The following WFDC3 variants were observed in gnomAD, a reference collection of about 807,000 sequenced individuals.
WFDC3 encodes the protein WAP four-disulfide core domain 3, also known as WAP four-disulfide core domain protein 3.
Under a neutral mutation model 25.8 loss-of-function variants are expected in WFDC3, and 15 were observed. The ratio of observed to expected loss-of-function variants is 0.58; its 90% confidence interval spans 0.39 to 0.89. The LOEUF is 0.89. Ranked by LOEUF, WFDC3 falls within the 40% of genes least tolerant of loss-of-function variation. The pLI, the probability that WFDC3 is intolerant of heterozygous loss-of-function variation, is 0.00. For missense variants in WFDC3, 264 were observed against 289.8 expected, an observed-to-expected ratio of 0.91 and a Z score of 0.65; for synonymous variants, 103 against 107.1, an observed-to-expected ratio of 0.96 and a Z score of 0.24.
At chr20:45,775,268 G>A (rs1438623711) in intron 6 of WFDC3, 149 bp downstream of exon 6, 2 of 1,134,840 alleles carry the variant, frequency 1.8e-6, no homozygotes, top group East Asian at 2.4e-5. Flanking sequence ...AGCCTGTACT[G>A]TTTGTATGAG....
chr20:45,775,994 C>G (rs892348215), intron 5 of WFDC3, among the ~76,000 whole-genome samples: 5 of 152,158 alleles, frequency 3.3e-5, no homozygotes, highest in Admixed American at 1.3e-4. Context: ...GGTTTGATGT[C>G]CCTGCTTTGT....
rs1980112201 is a variant in WFDC3, at chr20:45,775,701, A to G, written c.494-99T>C. 3 of 1,466,382 alleles carry G rather than the reference A, an allele frequency of 2.0e-6. No individual in the cohort carries two copies. The South Asian group carries it at 3.8e-5, about 19-fold the overall frequency. 90.8% of individuals were successfully genotyped at this position (1,466,382 alleles called of 1,614,324 possible). A position where few individuals can be genotyped will look rare whatever the true frequency, so the allele number is the denominator to read the frequency against. On this transcript the variant is annotated intron_variant, in intron 5 of 6. Transcript: ENST00000243938. The stretch of plus-strand genomic sequence containing the variant: ...ACACACAGAGGCTCTAGGTCAATCA[A>G]CCCCTGACCCTCACTAGACCCAACT...
At chr20:45,781,085 C>CA (rs796825499) in intron 4 of WFDC3, among the ~76,000 whole-genome samples, 1,112 of 106,340 alleles carry the variant, frequency 0.01, 9 homozygotes, top group African/African-American at 0.035. Context: ...ACTAAAAATA[C>CA]AAAAAAAAAA....
At chr20:45,781,601 G>A (rs1210377490) in intron 4 of WFDC3, among the ~76,000 whole-genome samples, 1 of 152,224 alleles carries the variant, frequency 6.6e-6, no homozygotes, top group East Asian at 1.9e-4. Context: ...GTCACAGGAT[G>A]CACTTAATTC....
rs187524648 is a variant in WFDC3, at chr20:45,788,816, C to A, written c.211+115G>T. Reference sequence around the variant, plus strand: ...CCTAAAAGAGTAAAGAAGAAGTACTCTAGGCAAGGGAGACTTCCAGAGGCA... The same window carrying A: ...CCTAAAAGAGTAAAGAAGAAGTACTATAGGCAAGGGAGACTTCCAGAGGCA... On this transcript the variant is annotated intron_variant, in intron 3 of 6. Coordinates refer to ENST00000243938, the MANE Select transcript of WFDC3 (RefSeq NM_080614.2). 56 of 1,414,182 alleles carry A rather than the reference C, an allele frequency of 4.0e-5. 1 individual carries two copies. The East Asian group carries it at 1.3e-3, about 33-fold the overall frequency. The allele number at this position is 1,414,182 out of a possible 1,614,324, so 87.6% of individuals were successfully genotyped here.
intron 5 of WFDC3, among the ~76,000 whole-genome samples, chr20:45,776,278 CTGTGTGTGTGTG>C (rs3080047): frequency 2.8e-4 from 29 of 102,036 alleles, no homozygotes; most frequent in African/African-American, 8.4e-4. Context: ...GCTTTTATCT[CTGTGTGTGTGTG>C]TGTGTGTGTG....
chr20:45,782,403 G>A (rs776018475), intron 4 of WFDC3, among the ~76,000 whole-genome samples: 8 of 151,036 alleles, frequency 5.3e-5, no homozygotes, highest in African/African-American at 9.8e-5. Context: ...TTGAGATGGA[G>A]TTTCGCTCTT....
chr20:45,780,935 C>T (rs1179140726), intron 4 of WFDC3, among the ~76,000 whole-genome samples: 1 of 152,074 alleles, frequency 6.6e-6, no homozygotes, highest in Non-Finnish European at 1.5e-5. Context: ...TATAAGGTCT[C>T]ATGCCCTTTA....
intron 5 of WFDC3, among the ~76,000 whole-genome samples, chr20:45,775,962 C>T (rs1980125179): frequency 6.6e-6 from 1 of 152,182 alleles, no homozygotes; most frequent in Admixed American, 6.5e-5. Context: ...TTCACGGTGG[C>T]CTCCTCTGCC....
At position 45,776,278 on chromosome 20, in the gene WFDC3, C is replaced by CTGTGTGTGTGTGTGTG. The variant is rs3080047; in HGVS notation, c.494-692_494-677dup. ...CATTGGAACAGGAATGCTTTTATCT[C>CTGTGTGTGTGTGTGTG]TGTGTGTGTGTGTGTGTGTGTGTGT... On this transcript the variant is annotated intron_variant, in intron 5 of 6. Transcript: ENST00000243938. Among the ~76,000 whole-genome samples, 938 of 101,918 alleles carry CTGTGTGTGTGTGTGTG rather than the reference C, an allele frequency of 9.2e-3. 10 individuals carry two copies. The highest frequency in any genetic ancestry group is 0.013 in the Admixed American group (123 of 9,438). 66.9% of individuals were successfully genotyped at this position (101,918 alleles called of 152,430 possible).
In WFDC3 at chr20:45,787,877, CAGCCAA is replaced by C. The variant is rs755917117; in HGVS notation, c.311_316del (p.Leu104_Cys106delinsArg). The C allele has an allele frequency of 5.0e-6, 8 of 1,613,940 alleles. No homozygotes were observed. The African/African-American group carries it at 9.3e-5, about 19-fold the overall frequency. On this transcript the variant is annotated inframe_deletion, in exon 4 of 7. Transcript: ENST00000243938. ...GATTGGGACTACACAGCTCTTGTTG[CAGCCAA>C]GCGTGCAGCATTTCTTTACACCTGG...
chr20:45,789,068 G>A lies in WFDC3; in HGVS notation c.83-9C>T, dbSNP rs1395281028. 1 of 1,612,364 alleles carries A rather than the reference G, an allele frequency of 6.2e-7. No individual in the cohort carries two copies. The highest frequency in any genetic ancestry group is 8.5e-7 in the Non-Finnish European group (1 of 1,179,548). ...GCATTCTCCCTCTTTTGCTGCAAAA[G>A]ATACTATTTGAGTTTGGGGTAACTA... On this transcript the variant is annotated splice_polypyrimidine_tract_variant and intron_variant, in intron 2 of 6. Coordinates refer to ENST00000243938, the MANE Select transcript of WFDC3 (RefSeq NM_080614.2).
At chr20:45,787,802 AC>A (rs1355912083) in intron 4 of WFDC3, 33 bp downstream of exon 4, 1 of 1,584,780 alleles carries the variant, frequency 6.3e-7, no homozygotes, top group Non-Finnish European at 8.6e-7. Flanking sequence ...AGCAGACCAA[AC>A]AGACCATGAG....
chr20:45,778,114 C>G (rs1239273053), intron 4 of WFDC3, among the ~76,000 whole-genome samples: 1 of 152,178 alleles, frequency 6.6e-6, no homozygotes, highest in African/African-American at 2.4e-5. Context: ...CACTAGCATA[C>G]TGGGGCTTGT....
At chr20:45,777,349 C>T (rs1874702083) in intron 4 of WFDC3, 140 bp from the exon 5 acceptor site, 3 of 997,212 alleles carry the variant, frequency 3.0e-6, no homozygotes, top group Non-Finnish European at 3.8e-6. Flanking sequence ...CATGTATCTG[C>T]AATACATCTG....
rs1233611246 is a variant in WFDC3, at chr20:45,781,188, G to T, written c.359-3979C>A. On this transcript the variant is annotated intron_variant, in intron 4 of 6. Transcript: ENST00000243938. Reference sequence around the variant, plus strand: ...TGCTTGAACCTGGGAGGCAGAGGTTGCAGTGAGCCGAGATCACACCACTGC... The same window carrying T: ...TGCTTGAACCTGGGAGGCAGAGGTTTCAGTGAGCCGAGATCACACCACTGC... Among the ~76,000 whole-genome samples, 3 of 151,852 alleles carry T rather than the reference G, an allele frequency of 2.0e-5. No individual in the cohort carries two copies. The East Asian group carries it at 5.8e-4, about 29-fold the overall frequency.
chr20:45,781,882 C>G (rs1047594822), intron 4 of WFDC3, among the ~76,000 whole-genome samples: 2 of 152,178 alleles, frequency 1.3e-5, no homozygotes, highest in African/African-American at 2.4e-5. Flanking sequence ...CAAGGCCCAG[C>G]CTTGCCAGCA....
Position 45,776,660 on chromosome 20 carries a change from ATG to A in WFDC3, c.493+413_493+414del, listed in dbSNP as rs1555812785. Among the ~76,000 whole-genome samples the A allele has an allele frequency of 1.7e-3, 159 of 93,286 alleles. 1 individual carries two copies. The highest frequency in any genetic ancestry group is 6.7e-3 in the African/African-American group (153 of 22,862). The allele number at this position is 93,286 out of a possible 152,430, so 61.2% of individuals were successfully genotyped here. On this transcript the variant is annotated intron_variant, in intron 5 of 6. Transcript: ENST00000243938. ...AATATATATATATATATATATATAT[ATG>A]TGTGTGTGTGTTTCCAACTAAGATT...
At position 45,787,912 on chromosome 20, in the gene WFDC3, T is replaced by G; in HGVS notation, c.282A>C (p.Thr94=). 1.5e-5 allele frequency: 25 copies of G among 1,614,156 alleles called. No homozygotes were observed. The highest frequency in any genetic ancestry group is 2.1e-5 in the Non-Finnish European group (25 of 1,180,022). ...TGCAGCATTTCTTTACACCTGGACA[T>G]GTCTCATCAGTGATGCACCTTTTCA... ...SCLKRCITDE[T]CPGVKKCCTL... Residue 94 remains threonine, a synonymous_variant, in exon 4 of 7, where the codon ACA becomes ACC. Transcript: ENST00000243938.
Sources: gnomAD v4.1 joint callset for allele counts (sites outside exome capture counted in the v4.1 genomes callset) on GRCh38, gnomAD v4.1.1 for gene constraint, MANE v1.5 for transcripts, NCBI Gene and HGNC (gene_info 2026-07-23, HGNC 2026-07-21) for gene names.